Variants in EPHA6 observed in about 807,000 individuals in gnomAD.
The protein encoded by EPHA6 is ephrin type-A receptor 6.
EPHA6 carries 50 observed loss-of-function variants against 112.0 expected under a neutral mutation model. The ratio of observed to expected loss-of-function variants is 0.45; its 90% CI spans 0.36 to 0.56. EPHA6 has a LOEUF of 0.56. Ranked by LOEUF, EPHA6 falls within the 20% of genes least tolerant of loss-of-function variation. EPHA6 has a pLI of 0.00. For synonymous variants in EPHA6, 529 were observed against 490.7 expected, an observed-to-expected ratio of 1.08 and a Z score of -1.03; for missense variants, 1,280 against 1,417.4, an observed-to-expected ratio of 0.90 and a Z score of 1.56.
intron 5 of EPHA6, among the ~76,000 whole-genome samples, chr3:97,318,545 A>G (rs888680220): frequency 1.3e-5 from 2 of 151,954 alleles, no homozygotes; most frequent in African/African-American, 2.4e-5. Flanking sequence ...AAGGTCTCCT[A>G]TTACCACTCT....
In EPHA6 at chr3:97,520,760, C is replaced by T. The variant is rs147756406; in HGVS notation, c.2201-11598C>T. ...CTGGATGTCTAAATCTCTTGCTAAA[C>T]TTGGGATTAAGTTATTATTTCATTA... On this transcript the variant is annotated intron_variant, in intron 10 of 17. Transcript: ENST00000389672. Among the ~76,000 whole-genome samples the T allele has an allele frequency of 7.8e-3, 1,185 of 152,276 alleles. 7 individuals carry two copies. Among genetic ancestry groups the T allele is most frequent in the African/African-American group, 0.025 (1,043 of 41,554 alleles).
intron 2 of EPHA6, among the ~76,000 whole-genome samples, chr3:96,885,709 A>G (rs1559800759): frequency 6.6e-6 from 1 of 151,430 alleles, no homozygotes. Context: ...TAATTTTTTT[A>G]ATTTCAATTT....
chr3:97,656,523 T>G (rs2094138660), intron 14 of EPHA6, among the ~76,000 whole-genome samples: 1 of 151,898 alleles, frequency 6.6e-6, no homozygotes, highest in African/African-American at 2.4e-5. Context: ...TGTTTAAAGA[T>G]AAAAAATTTT....
chr3:97,236,754 G>A (rs2078691139), intron 4 of EPHA6, among the ~76,000 whole-genome samples: 1 of 152,112 alleles, frequency 6.6e-6, no homozygotes, highest in Non-Finnish European at 1.5e-5. Flanking sequence ...GGCTAACAGT[G>A]TAAAGCATGG....
intron 4 of EPHA6, among the ~76,000 whole-genome samples, chr3:97,240,518 A>G (rs2078814182): frequency 6.6e-6 from 1 of 151,908 alleles, no homozygotes; most frequent in Non-Finnish European, 1.5e-5. Flanking sequence ...GTACCTCTGC[A>G]AACTATGATT....
intron 3 of EPHA6, among the ~76,000 whole-genome samples, chr3:97,130,870 C>T (rs1007781465): frequency 6.6e-6 from 1 of 152,042 alleles, no homozygotes; most frequent in African/African-American, 2.4e-5. Flanking sequence ...CAAACCATAT[C>T]CTAGTGAGAA....
At chr3:97,712,775 T>C (rs1253563082) in intron 14 of EPHA6, among the ~76,000 whole-genome samples, 1 of 152,214 alleles carries the variant, frequency 6.6e-6, no homozygotes, top group African/African-American at 2.4e-5. Context: ...AATAGCACGA[T>C]AAGCAGTGTT....
chr3:96,814,846 A>T lies in EPHA6; in HGVS notation c.223A>T (p.Thr75Ser), dbSNP rs754222497. 2.6e-5 allele frequency: 41 copies of T among 1,566,794 alleles called. No homozygotes were observed. Among genetic ancestry groups the T allele is most frequent in the Admixed American group, 3.8e-5 (2 of 52,298 alleles). The change falls in exon 1 of 18, where the codon ACC becomes TCC. Residue 75 changes from threonine to serine, a missense_variant. This residue lies in a region of EPHA6 where 220 missense variants were observed against 171.5 expected (regional missense o/e 1.28). Coordinates refer to ENST00000389672, the MANE Select transcript of EPHA6 (RefSeq NM_001080448.3). ...CAAGGACCCCCATCCTACCCAGAAC[A>T]CCTGCCTGCGCTGCCGCCACTTCTC... ...VDKDPHPTQN[T>S]CLRCRHFSLR...
chr3:97,662,039 C>G (rs71311331), intron 14 of EPHA6, among the ~76,000 whole-genome samples: 4,702 of 152,208 alleles, frequency 0.031, 100 homozygotes, highest in Non-Finnish European at 0.049. Context: ...CACCAACTAT[C>G]TGATAGGGCT....
At chr3:97,287,985 T>C (rs2080532903) in intron 5 of EPHA6, among the ~76,000 whole-genome samples, 1 of 152,058 alleles carries the variant, frequency 6.6e-6, no homozygotes, top group Non-Finnish European at 1.5e-5. Context: ...AATTGGCGTT[T>C]GTTATTCTTG....
chr3:97,511,862 AT>A (rs553757560), intron 10 of EPHA6, among the ~76,000 whole-genome samples: 5 of 151,102 alleles, frequency 3.3e-5, no homozygotes, highest in African/African-American at 9.7e-5. Context: ...GTCCTAACAT[AT>A]TTTTTTTTCA....
rs192134139 is a variant in EPHA6 at position 97,438,252 on chromosome 3, T to C, written c.1732-10316T>C. Among the ~76,000 whole-genome samples the C allele has an allele frequency of 3.3e-3, 502 of 152,284 alleles. 3 individuals are homozygous for C. The highest frequency in any genetic ancestry group is 0.011 in the African/African-American group (472 of 41,566). The stretch of plus-strand genomic sequence containing the variant: ...CGGGAAAGTTAAAACTGAATAAATA[T>C]CAAGAATATGTATTAAAAGATATTT... On this transcript the variant is annotated intron_variant, in intron 6 of 17. Coordinates refer to ENST00000389672, the MANE Select transcript of EPHA6 (RefSeq NM_001080448.3).
chr3:97,333,411 A>C (rs999402692), intron 5 of EPHA6, among the ~76,000 whole-genome samples: 1 of 147,024 alleles, frequency 6.8e-6, no homozygotes, highest in African/African-American at 2.5e-5. Context: ...GAAGACAGTC[A>C]TGTCATCTGC....
At chr3:97,158,720 G>A (rs1286648442) in intron 3 of EPHA6, among the ~76,000 whole-genome samples, 1 of 152,076 alleles carries the variant, frequency 6.6e-6, no homozygotes, top group Admixed American at 6.6e-5. Context: ...ATGGAGTAGA[G>A]GAAAATGCAG....
chr3:97,080,856 G>T (rs570372651), intron 3 of EPHA6, among the ~76,000 whole-genome samples: 1 of 151,606 alleles, frequency 6.6e-6, no homozygotes, highest in East Asian at 1.9e-4. Flanking sequence ...GGAATATATA[G>T]GCTTGATTTG....
At chr3:97,131,071 T>C (rs1404211791) in intron 3 of EPHA6, among the ~76,000 whole-genome samples, 1 of 152,124 alleles carries the variant, frequency 6.6e-6, no homozygotes, top group Non-Finnish European at 1.5e-5. Context: ...GATACTACAG[T>C]GGCAGATTAA....
intron 3 of EPHA6, among the ~76,000 whole-genome samples, chr3:97,102,233 C>T (rs1259034983): frequency 1.3e-5 from 2 of 152,048 alleles, no homozygotes; most frequent in Admixed American, 6.6e-5. Context: ...CTCAGGAAGA[C>T]ACCAAACGTA....
intron 14 of EPHA6, among the ~76,000 whole-genome samples, chr3:97,714,446 G>A (rs2034124780): frequency 6.6e-6 from 1 of 152,124 alleles, no homozygotes; most frequent in African/African-American, 2.4e-5. Context: ...ACTTTCCAGA[G>A]TACCAAAGTT....
intron 5 of EPHA6, among the ~76,000 whole-genome samples, chr3:97,378,367 G>A (rs912801471): frequency 4.6e-5 from 7 of 152,170 alleles, no homozygotes; most frequent in Admixed American, 3.3e-4. Context: ...GCAGGGGAGG[G>A]CTCTCATGGA....
Sources: allele counts gnomAD v4.1 joint callset (sites outside exome capture counted in the v4.1 genomes callset), GRCh38; gene constraint gnomAD v4.1.1; regional missense constraint gnomAD v4.1.1; transcripts MANE v1.5; gene names NCBI Gene and HGNC (gene_info 2026-07-23, HGNC 2026-07-21).